SUN1: variants seen among roughly 807,000 people sequenced by gnomAD.
SUN1 encodes the protein SUN domain-containing protein 1.
A neutral mutation model predicts 103.2 loss-of-function variants in SUN1; 61 were observed. The observed-to-expected ratio is 0.59, with a 90% CI of 0.48 to 0.73. The LOEUF (loss-of-function observed/expected upper bound fraction) is 0.73, where lower values mean the gene tolerates loss of function less well. SUN1 is among the 30% of genes least tolerant of loss of function. The pLI is 0.00. For missense variants in SUN1, 1,052 were observed against 1,034.6 expected (o/e 1.02, Z -0.23); for synonymous variants, 490 against 425.7 (o/e 1.15, Z -1.86).
chr7:815,881 G>A, upstream of SUN1: 1 of 226,792 alleles, frequency 4.4e-6, no homozygotes, highest in Non-Finnish European at 9.1e-6. Flanking sequence ...GGTGGGGGCG[G>A]CGGCCAGCAA....
At chr7:861,327 G>A (rs1304389562) in intron 14 of SUN1, 53 bp from the exon 15 acceptor site, 7 of 1,593,528 alleles carry the variant, frequency 4.4e-6, no homozygotes, top group African/African-American at 2.7e-5. Context: ...TAAAACCCAC[G>A]TCTCTCCTCT....
At chr7:855,852 C>T (rs1235432094) in intron 11 of SUN1, among the ~76,000 whole-genome samples, 8 of 151,772 alleles carry the variant, frequency 5.3e-5, no homozygotes, top group South Asian at 4.2e-4. Context: ...AGAGGGTCCG[C>T]GGGGCGCCTC....
At chr7:873,132 C>T in intron 18 of SUN1, 83 bp from the exon 19 acceptor site, 3 of 1,256,864 alleles carry the variant, frequency 2.4e-6, no homozygotes, top group South Asian at 2.5e-5. Flanking sequence ...TGCTTCCTGT[C>T]AGACGTCATA....
intron 5 of SUN1, chr7:849,859 G>A (rs1024719684): frequency 5.3e-5 from 80 of 1,517,428 alleles, no homozygotes; most frequent in Middle Eastern, 1.7e-4. Context: ...TGCTATGCAC[G>A]GCTGAGATGG....
chr7:872,956 G>A (rs1161538205), intron 18 of SUN1, among the ~76,000 whole-genome samples: 3 of 152,194 alleles, frequency 2.0e-5, no homozygotes, highest in South Asian at 2.1e-4. Context: ...GCGTGGTGGC[G>A]CACGCCTGTA....
chr7:851,707 C>G (rs1355025581), intron 6 of SUN1: 20 of 629,992 alleles, frequency 3.2e-5, no homozygotes, highest in Non-Finnish European at 3.6e-5. Context: ...GTCCGGCTGC[C>G]TGAATGCCCG....
chr7:849,100 C>T (rs574015421), intron 5 of SUN1, among the ~76,000 whole-genome samples: 6 of 152,232 alleles, frequency 3.9e-5, no homozygotes, highest in African/African-American at 9.6e-5. Flanking sequence ...TACAGGCGCA[C>T]GCCACCACGC....
At chr7:848,221 C>CG (rs1296774856) in intron 5 of SUN1, among the ~76,000 whole-genome samples, 1 of 152,000 alleles carries the variant, frequency 6.6e-6, no homozygotes, top group East Asian at 1.9e-4. Context: ...GTCCAGTCTT[C>CG]GGGGTACCCT....
intron 2 of SUN1, among the ~76,000 whole-genome samples, chr7:841,633 A>C (rs545344560): frequency 1.3e-5 from 2 of 152,296 alleles, no homozygotes; most frequent in South Asian, 4.1e-4. Context: ...TAAATTTATA[A>C]ATCACAGATG....
intron 6 of SUN1, 88 bp from the exon 7 acceptor site, chr7:851,862 C>G: frequency 2.2e-6 from 3 of 1,375,756 alleles, no homozygotes; most frequent in Non-Finnish European, 2.0e-6. Flanking sequence ...TCATGTGCTT[C>G]TAGCTTGGCC....
intron 15 of SUN1, among the ~76,000 whole-genome samples, chr7:861,740 C>G (rs1302585904): frequency 6.6e-6 from 1 of 152,206 alleles, no homozygotes; most frequent in Non-Finnish European, 1.5e-5. Flanking sequence ...ACTGTTCACT[C>G]TCTCCTGTGC....
intron 8 of SUN1, 69 bp from the exon 9 acceptor site, chr7:852,741 T>A: frequency 6.2e-7 from 1 of 1,613,372 alleles, no homozygotes; most frequent in Non-Finnish European, 8.5e-7. Context: ...TGGAAAAAAA[T>A]GAGCGTGTAA....
chr7:828,123 C>T (rs577316881), upstream of SUN1, among the ~76,000 whole-genome samples: 17 of 151,616 alleles, frequency 1.1e-4, no homozygotes, highest in South Asian at 4.2e-4. Context: ...AGGCTGGTCT[C>T]GAACTCCTGA....
At chr7:840,230 C>A (rs958435657) in intron 2 of SUN1, among the ~76,000 whole-genome samples, 1 of 152,198 alleles carries the variant, frequency 6.6e-6, no homozygotes, top group African/African-American at 2.4e-5. Context: ...GTTCACTGCG[C>A]AAAGAGTTCG....
At chr7:835,679 C>A (rs1323822219) in intron 1 of SUN1, among the ~76,000 whole-genome samples, 3 of 152,224 alleles carry the variant, frequency 2.0e-5, no homozygotes, top group Non-Finnish European at 4.4e-5. Context: ...CCTGTCACAG[C>A]TTGAGTCTGT....
upstream of SUN1, among the ~76,000 whole-genome samples, chr7:827,966 G>A (rs1794166672): frequency 6.6e-6 from 1 of 151,784 alleles, no homozygotes; most frequent in African/African-American, 2.4e-5. Context: ...GGAATGCGCT[G>A]AAATATGGGC....
intron 17 of SUN1, 133 bp from the exon 18 acceptor site, chr7:872,337 A>C (rs1842330990): frequency 1.4e-6 from 1 of 708,920 alleles, no homozygotes; most frequent in South Asian, 1.8e-5. Flanking sequence ...ACTGCCATGG[A>C]GGAATGACCT....
chr7:835,505 A>T lies in SUN1; in HGVS notation c.77+2904A>T, dbSNP rs192687452. On this transcript the variant is annotated intron_variant, in intron 1 of 18. Coordinates refer to ENST00000401592, the MANE Select transcript of SUN1 (RefSeq NM_001130965.3). Reference sequence around the variant, plus strand: ...CTCTTTCACAATTAATTTTTTTTTAAATTAGCCTAAACAGGATCCTCATGT... The same window carrying T: ...CTCTTTCACAATTAATTTTTTTTTATATTAGCCTAAACAGGATCCTCATGT... 2.0e-5 allele frequency among the ~76,000 whole-genome samples: 3 copies of T among 152,280 alleles called. No homozygotes were observed. In the East Asian group the frequency reaches 5.8e-4, roughly 29 times the overall value.
At chr7:858,869 G>T (rs570221961) in intron 13 of SUN1, among the ~76,000 whole-genome samples, 1 of 152,120 alleles carries the variant, frequency 6.6e-6, no homozygotes, top group Non-Finnish European at 1.5e-5. Context: ...GAAAGCATGC[G>T]ATAGGCCGGG....
Sources: allele counts gnomAD v4.1 joint callset (sites outside exome capture counted in the v4.1 genomes callset), GRCh38; gene constraint gnomAD v4.1.1; transcripts MANE v1.5; gene names NCBI Gene and HGNC (gene_info 2026-07-23, HGNC 2026-07-21).